The following OR4M1 variants were observed in gnomAD, a reference collection of about 807,000 sequenced individuals.
OR4M1 encodes olfactory receptor 4M1.
In OR4M1, 7 loss-of-function variants were observed where a neutral mutation model predicts 9.8. The observed-to-expected ratio is 0.71, with a 90% confidence interval of 0.41 to 1.34. OR4M1 has a LOEUF of 1.34. OR4M1 is among the 40% of genes most tolerant of loss of function. OR4M1 has a pLI of 0.01. For synonymous variants in OR4M1, 121 were observed against 139.8 expected (o/e 0.87, Z 0.95); for missense variants, 331 against 380.4 (o/e 0.87, Z 1.08).
intron 1 of OR4M1, among the ~76,000 whole-genome samples, chr14:19,778,570 C>T (rs966946782): frequency 3.9e-5 from 6 of 152,194 alleles, no homozygotes; most frequent in Non-Finnish European, 8.8e-5. Flanking sequence ...CATAATATTT[C>T]AGATGCTTTT....
rs1878461981 is a variant in OR4M1 at position 19,780,762 on chromosome 14, T to C, written c.440T>C (p.Leu147Pro). 1.2e-6 allele frequency: 2 copies of C among 1,614,220 alleles called. No homozygotes were observed. Among genetic ancestry groups the C allele is most frequent in the Non-Finnish European group, 1.7e-6 (2 of 1,180,026 alleles). ...CGTCTCTGCTGTATCCTGGTGGCTC[T>C]CTCCTGGATGGGGGGCTTCATTCAT... ...NRRLCCILVA[L>P]SWMGGFIHSI... Residue 147 changes from leucine to proline, a missense_variant, in exon 2 of 2, where the codon CTC becomes CCC. Physicochemically the swap from Leu to Pro is moderately conservative, Grantham distance 98. Coordinates refer to ENST00000641200, the MANE Select transcript of OR4M1 (RefSeq NM_001005500.2).
intron 1 of OR4M1, 160 bp from the exon 2 acceptor site, chr14:19,780,134 C>T: frequency 1.5e-6 from 1 of 646,986 alleles, no homozygotes. Context: ...AAGTTCATCA[C>T]ATACTTTCTC....
At chr14:19,778,770 T>C (rs1878381745) in intron 1 of OR4M1, among the ~76,000 whole-genome samples, 1 of 152,206 alleles carries the variant, frequency 6.6e-6, no homozygotes. Context: ...AGATCATTGT[T>C]TTTTGGAATC....
intron 1 of OR4M1, among the ~76,000 whole-genome samples, chr14:19,775,392 G>A (rs1018150012): frequency 6.6e-6 from 1 of 151,940 alleles, no homozygotes; most frequent in African/African-American, 2.4e-5. Flanking sequence ...ATATTTCCCA[G>A]CCTGTCATAA....
At chr14:19,778,190 T>G (rs1732424192) in intron 1 of OR4M1, among the ~76,000 whole-genome samples, 1 of 152,180 alleles carries the variant, frequency 6.6e-6, no homozygotes, top group African/African-American at 2.4e-5. Context: ...TCTTTGACAC[T>G]TTTTTCTGGT....
chr14:19,778,988 C>T (rs1878387787), intron 1 of OR4M1, among the ~76,000 whole-genome samples: 1 of 152,216 alleles, frequency 6.6e-6, no homozygotes. Context: ...CTTTCTTCCA[C>T]TTGCTACCAG....
rs146286542 is a variant in OR4M1 at position 19,781,237 on chromosome 14, C to T, written c.915C>T (p.Thr305=). The change falls in exon 2 of 2, where the codon ACC becomes ACT. Residue 305 remains threonine, a synonymous_variant. Coordinates refer to ENST00000641200, the MANE Select transcript of OR4M1 (RefSeq NM_001005500.2). The part of the protein sequence containing the change: ...EVKAAMRKVV[T]KYILCEEK ...AGGCAGCCATGAGGAAGGTGGTCAC[C>T]AAATATATTTTGTGTGAAGAGAAGT... 31 of 1,611,034 alleles carry T rather than the reference C, an allele frequency of 1.9e-5. No homozygotes were observed. In the East Asian group the frequency reaches 6.9e-4, roughly 36 times the overall value.
chr14:19,775,557 TTATAA>T (rs1878286430), intron 1 of OR4M1, among the ~76,000 whole-genome samples: 1 of 147,256 alleles, frequency 6.8e-6, no homozygotes, highest in South Asian at 2.1e-4. Flanking sequence ...ATAATATATA[TTATAA>T]TATATAAATA....
At position 19,780,595 on chromosome 14, in the gene OR4M1, A is replaced by C; in HGVS notation, c.273A>C (p.Ile91=). 1 of 1,614,230 alleles carries C rather than the reference A, an allele frequency of 6.2e-7. No individual in the cohort carries two copies. Reference sequence around the variant, plus strand: ...TAGACTTCTTTGTGGAGAGGAAGATAATTTCCTTTGGTGGATGCATTGCAC... The same window carrying C: ...TAGACTTCTTTGTGGAGAGGAAGATCATTTCCTTTGGTGGATGCATTGCAC... ...MLIDFFVERK[I]ISFGGCIAQL... is the part of the protein sequence containing the mutation. Residue 91 remains isoleucine (I), a synonymous_variant, in exon 2 of 2, where the codon ATA becomes ATC. Transcript: ENST00000641200.
chr14:19,778,921 G>T (rs115257150), intron 1 of OR4M1, among the ~76,000 whole-genome samples: 268 of 152,222 alleles, frequency 1.8e-3, no homozygotes, highest in African/African-American at 5.9e-3. Context: ...ATGGACATGG[G>T]GAAATTGATC....
chr14:19,779,984 G>GC (rs1878419153), intron 1 of OR4M1, among the ~76,000 whole-genome samples: 1 of 152,346 alleles, frequency 6.6e-6, no homozygotes, highest in South Asian at 2.1e-4. Context: ...TTCACATATT[G>GC]CTTACTAATG....
In OR4M1 at chr14:19,776,334, C is replaced by A. The variant is rs567043678; in HGVS notation, c.-30+2741C>A. On this transcript the variant is annotated intron_variant, in intron 1 of 1. Coordinates refer to ENST00000641200, the MANE Select transcript of OR4M1 (RefSeq NM_001005500.2). ...AAGATTTCATGACCTCAACATCACG[C>A]AGATTCTTGTTTTCCCCCAAAGCAT... 4.2e-4 allele frequency among the ~76,000 whole-genome samples: 64 copies of A among 152,280 alleles called. No individual in the cohort carries two copies. The South Asian group carries it at 0.013, about 30-fold the overall frequency.
intron 1 of OR4M1, among the ~76,000 whole-genome samples, chr14:19,779,872 A>T (rs1166632303): frequency 9.2e-5 from 14 of 152,240 alleles, no homozygotes; most frequent in Non-Finnish European, 1.6e-4. Context: ...TGCAAGCCTA[A>T]GTTTCCAGGT....
At position 19,782,706 on chromosome 14, in the gene OR4M1, C is replaced by T. The variant is rs1878537364; in HGVS notation, c.*1442C>T. 6.6e-6 allele frequency: 1 copy of T among 152,214 alleles called. No homozygotes were observed. Among genetic ancestry groups the T allele is most frequent in the Non-Finnish European group, 1.5e-5 (1 of 68,058 alleles). The allele number at this position is 152,214 out of a possible 1,614,324, so 9.4% of individuals were successfully genotyped here. On this transcript the variant is annotated 3_prime_UTR_variant, in exon 2 of 2. Transcript: ENST00000641200. Reference sequence around the variant, plus strand: ...TGGTGACCTTCTTCGATCTTCAATGCTACGTTACTTCTCTTCTAGGAACCC... The same window carrying T: ...TGGTGACCTTCTTCGATCTTCAATGTTACGTTACTTCTCTTCTAGGAACCC...
intron 1 of OR4M1, among the ~76,000 whole-genome samples, chr14:19,779,018 T>G (rs1168693543): frequency 6.6e-6 from 1 of 152,226 alleles, no homozygotes; most frequent in Admixed American, 6.6e-5. Flanking sequence ...AAACACTGTT[T>G]TTGTGCGTGT....
chr14:19,780,746 T>G lies in OR4M1; in HGVS notation c.424T>G (p.Cys142Gly). The change falls in exon 2 of 2, where the codon TGT becomes GGT. Residue 142 changes from cysteine (C) to glycine (G), a missense_variant. By Grantham distance (159) the Cys-to-Gly change is radical. Around this residue, in one of 2 missense-constraint regions of OR4M1, gnomAD observed 209 missense variants for 200.0 expected, o/e 1.04. Coordinates refer to ENST00000641200, the MANE Select transcript of OR4M1 (RefSeq NM_001005500.2). The stretch of plus-strand genomic sequence containing the variant: ...TACCATCATGAATCGACGTCTCTGC[T>G]GTATCCTGGTGGCTCTCTCCTGGAT... Reference protein sequence around the residue: ...YATIMNRRLCCILVALSWMGG... With the variant: ...YATIMNRRLCGILVALSWMGG... 6.2e-7 allele frequency: 1 copy of G among 1,614,230 alleles called. No individual in the cohort carries two copies. Among genetic ancestry groups the G allele is most frequent in the Non-Finnish European group, 8.5e-7 (1 of 1,180,024 alleles).
rs1287148274 is a variant in OR4M1 at position 19,782,378 on chromosome 14, T to C, written c.*1114T>C. On this transcript the variant is annotated 3_prime_UTR_variant, in exon 2 of 2. Transcript: ENST00000641200. ...TTTACTTAAATTTATTAGTTTTTCATTTCAAAACTAGGAAATATTTTCATT... is the reference window on the plus strand; with the variant it reads ...TTTACTTAAATTTATTAGTTTTTCACTTCAAAACTAGGAAATATTTTCATT... The C allele has an allele frequency of 2.0e-5, 3 of 152,254 alleles. No homozygotes were observed. In the East Asian group the frequency reaches 5.8e-4, roughly 29 times the overall value. The allele number at this position is 152,254 out of a possible 1,614,324, so 9.4% of individuals were successfully genotyped here. A position where few individuals can be genotyped will look rare whatever the true frequency, so the allele number is the denominator to read the frequency against.
In OR4M1 at chr14:19,780,321, A is replaced by G. The variant is rs771565953; in HGVS notation, c.-2A>G. The G allele has an allele frequency of 3.1e-6, 5 of 1,601,836 alleles. No homozygotes were observed. The highest frequency in any genetic ancestry group is 1.1e-5 in the South Asian group (1 of 88,818). On this transcript the variant is annotated 5_prime_UTR_variant, in exon 2 of 2. Coordinates refer to ENST00000641200, the MANE Select transcript of OR4M1 (RefSeq NM_001005500.2). ...ATATTATGAAAAGAGTAAATTGAAG[A>G]AATGGAAACTGCAAATTACACCAAG...
chr14:19,779,873 G>A (rs1695591376), intron 1 of OR4M1, among the ~76,000 whole-genome samples: 1 of 152,210 alleles, frequency 6.6e-6, no homozygotes, highest in African/African-American at 2.4e-5. Context: ...GCAAGCCTAA[G>A]TTTCCAGGTT....
Sources: allele counts gnomAD v4.1 joint callset (sites outside exome capture counted in the v4.1 genomes callset), GRCh38; gene constraint gnomAD v4.1.1; regional missense constraint gnomAD v4.1.1; transcripts MANE v1.5; gene names NCBI Gene and HGNC (gene_info 2026-07-23, HGNC 2026-07-21).